Variants in MYO18B observed in about 807,000 individuals in gnomAD.
The protein encoded by MYO18B is myosin XVIIIB, also known as unconventional myosin-XVIIIb.
MYO18B carries 204 observed loss-of-function variants against 273.0 expected under a neutral mutation model. The observed-to-expected ratio is 0.75, with a 90% CI of 0.67 to 0.84. The LOEUF is 0.84. Ranked by LOEUF, MYO18B falls within the 40% of genes least tolerant of loss-of-function variation. MYO18B has a pLI of 0.00. For missense variants in MYO18B, 3,212 were observed against 3,287.6 expected, an observed-to-expected ratio of 0.98 and a Z score of 0.56; for synonymous variants, 1,330 against 1,305.7, an observed-to-expected ratio of 1.02 and a Z score of -0.40.
chr22:25,945,725 TCCCC>T, intron 34 of MYO18B, among the ~76,000 whole-genome samples: 1 of 5,600 alleles, frequency 1.8e-4, no homozygotes. Context: ...TCCCCTCCCC[TCCCC>T]TCGCCTCCCC....
At chr22:25,880,045 A>T (rs918830088) in intron 25 of MYO18B, among the ~76,000 whole-genome samples, 1 of 152,180 alleles carries the variant, frequency 6.6e-6, no homozygotes, top group East Asian at 1.9e-4. Flanking sequence ...GGTCAGGGAC[A>T]TAGGACCAAA....
chr22:25,961,164 G>C (rs2092914253), intron 39 of MYO18B, among the ~76,000 whole-genome samples: 1 of 151,554 alleles, frequency 6.6e-6, no homozygotes, highest in Admixed American at 6.6e-5. Flanking sequence ...CAAGATTACG[G>C]TGAACTATGG....
chr22:25,985,541 A>C (rs1412851561), intron 39 of MYO18B, among the ~76,000 whole-genome samples: 1 of 152,146 alleles, frequency 6.6e-6, no homozygotes, highest in Non-Finnish European at 1.5e-5. Context: ...CCTTTCCCAA[A>C]GTGGAGCTTA....
intron 17 of MYO18B, among the ~76,000 whole-genome samples, chr22:25,835,717 A>T (rs903495539): frequency 6.6e-6 from 1 of 152,260 alleles, no homozygotes; most frequent in African/African-American, 2.4e-5. Context: ...AGCCAAGCAC[A>T]TGCGTGCACA....
intron 39 of MYO18B, among the ~76,000 whole-genome samples, chr22:25,985,253 T>TG (rs1483653273): frequency 6.6e-6 from 1 of 152,004 alleles, no homozygotes; most frequent in Non-Finnish European, 1.5e-5. Flanking sequence ...CCCAGCTGTT[T>TG]GGGGGGCTGA....
At chr22:26,043,171 T>C in the MYO18B span, among the ~76,000 whole-genome samples, 1 of 152,240 alleles carries the variant, frequency 6.6e-6, no homozygotes, top group African/African-American at 2.4e-5. Context: ...CTTTTTTTGG[T>C]GCAGACTTCT....
At chr22:25,847,406 C>T in intron 19 of MYO18B, 24 bp from the exon 20 acceptor site, 1 of 1,548,744 alleles carries the variant, frequency 6.5e-7, no homozygotes, top group African/African-American at 1.4e-5. Context: ...ACAACTGGCC[C>T]TGACCTCCCT....
At chr22:25,907,446 G>A (rs557878648) in intron 31 of MYO18B, among the ~76,000 whole-genome samples, 6 of 152,284 alleles carry the variant, frequency 3.9e-5, no homozygotes, top group Admixed American at 2.6e-4. Flanking sequence ...TTCTGTTTTC[G>A]AAATAATGGG....
intron 29 of MYO18B, chr22:25,898,688 T>C: frequency 2.0e-6 from 1 of 500,228 alleles, no homozygotes; most frequent in Non-Finnish European, 3.5e-6. Flanking sequence ...CCAATTGATC[T>C]TGTGACCTTG....
At chr22:25,829,841 A>T (rs1377604933) in intron 15 of MYO18B, among the ~76,000 whole-genome samples, 3 of 151,688 alleles carry the variant, frequency 2.0e-5, no homozygotes, top group East Asian at 1.9e-4. Context: ...CCATCTCAAA[A>T]AATAATAATA....
chr22:25,794,746 C>T (rs1172672119), intron 11 of MYO18B, among the ~76,000 whole-genome samples: 1 of 152,064 alleles, frequency 6.6e-6, no homozygotes, highest in Non-Finnish European at 1.5e-5. Flanking sequence ...CCTCATGATC[C>T]ATCCATCTCG....
chr22:25,765,303 C>G (rs1025561963), intron 3 of MYO18B, among the ~76,000 whole-genome samples: 7 of 152,236 alleles, frequency 4.6e-5, no homozygotes, highest in Non-Finnish European at 8.8e-5. Context: ...ATTTAATTTT[C>G]TTGTCCCAAT....
chr22:26,062,182 G>C, the MYO18B span, among the ~76,000 whole-genome samples: 2 of 152,146 alleles, frequency 1.3e-5, no homozygotes, highest in East Asian at 3.8e-4. Context: ...ACTCTCTTGA[G>C]TCAGAGACCT....
intron 20 of MYO18B, among the ~76,000 whole-genome samples, chr22:25,848,558 C>T (rs1231626119): frequency 6.6e-6 from 1 of 152,192 alleles, no homozygotes; most frequent in Non-Finnish European, 1.5e-5. Context: ...GTTGGGTTAT[C>T]ACCAGGTCCA....
At chr22:25,880,124 C>T (rs901243791) in intron 25 of MYO18B, among the ~76,000 whole-genome samples, 2 of 152,038 alleles carry the variant, frequency 1.3e-5, no homozygotes, top group African/African-American at 4.8e-5. Flanking sequence ...AGCTTTTCGA[C>T]GAAAACCTGC....
intron 34 of MYO18B, among the ~76,000 whole-genome samples, chr22:25,942,338 G>A (rs897982483): frequency 6.6e-6 from 1 of 152,210 alleles, no homozygotes; most frequent in Non-Finnish European, 1.5e-5. Flanking sequence ...CACCACATTT[G>A]CTCAAACTCC....
intron 42 of MYO18B, among the ~76,000 whole-genome samples, chr22:26,021,815 G>A (rs1935842550): frequency 6.6e-6 from 1 of 152,218 alleles, no homozygotes; most frequent in South Asian, 2.1e-4. Context: ...GGGTGGCTAT[G>A]AGGGTAGGAG....
intron 12 of MYO18B, among the ~76,000 whole-genome samples, chr22:25,802,114 T>A (rs909812833): frequency 6.6e-6 from 1 of 152,248 alleles, no homozygotes; most frequent in African/African-American, 2.4e-5. Flanking sequence ...CCTCCCATAC[T>A]TCTAGCCAAG....
At chr22:25,744,591 G>A (rs1374462771) in intron 1 of MYO18B, among the ~76,000 whole-genome samples, 1 of 152,048 alleles carries the variant, frequency 6.6e-6, no homozygotes, top group Middle Eastern at 3.2e-3. Context: ...AAAATTAGCC[G>A]GGCGTGGTGG....
Sources: allele counts gnomAD v4.1 joint callset (sites outside exome capture counted in the v4.1 genomes callset), GRCh38; gene constraint gnomAD v4.1.1; transcripts MANE v1.5; gene names NCBI Gene and HGNC (gene_info 2026-07-23, HGNC 2026-07-21).